Variants in ABI3BP observed in about 807,000 individuals in gnomAD.
ABI3BP encodes ABI family member 3 binding protein.
In ABI3BP, 216 loss-of-function variants were observed where a neutral mutation model predicts 268.6. That is an observed-to-expected ratio of 0.80 (90% CI 0.72 to 0.90). ABI3BP has a LOEUF of 0.90. ABI3BP is among the 40% of genes least tolerant of loss of function. The pLI, the probability that ABI3BP is intolerant of heterozygous loss-of-function variation, is 0.00. For synonymous variants in ABI3BP, 730 were observed against 730.0 expected (o/e 1.00, Z 0.00); for missense variants, 2,090 against 2,182.4 (o/e 0.96, Z 0.84).
At chr3:100,875,423 C>T in intron 8 of ABI3BP, 85 bp downstream of exon 8, 1 of 1,015,168 alleles carries the variant, frequency 9.9e-7, no homozygotes, top group Non-Finnish European at 1.6e-6. Context: ...CAGAACTACT[C>T]ACACTGCAAA....
At chr3:100,915,476 G>A (rs2058306514) in intron 2 of ABI3BP, among the ~76,000 whole-genome samples, 1 of 152,162 alleles carries the variant, frequency 6.6e-6, no homozygotes, top group South Asian at 2.1e-4. Flanking sequence ...TGCTGGAGGT[G>A]GAGGGCAGCT....
intron 63 of ABI3BP, among the ~76,000 whole-genome samples, chr3:100,757,084 A>G (rs189491097): frequency 6.6e-6 from 1 of 152,242 alleles, no homozygotes; most frequent in Non-Finnish European, 1.5e-5. Flanking sequence ...TTTGGAAGAT[A>G]AAGTTGAGGA....
intron 2 of ABI3BP, 83 bp from the exon 3 acceptor site, chr3:100,902,769 T>A: frequency 8.9e-7 from 1 of 1,128,638 alleles, no homozygotes. Flanking sequence ...GATTCAGCAT[T>A]CCCTGAGTCA....
chr3:100,941,113 G>A (rs1289878661), intron 1 of ABI3BP, among the ~76,000 whole-genome samples: 2 of 151,442 alleles, frequency 1.3e-5, no homozygotes, highest in Non-Finnish European at 2.9e-5. Flanking sequence ...GCCAAGGAAT[G>A]GGGGCTTTTT....
At chr3:100,844,515 T>G (rs541420968) in intron 20 of ABI3BP, 1 of 953,808 alleles carries the variant, frequency 1.0e-6, no homozygotes, top group African/African-American at 1.8e-5. Context: ...TAGAAGAGTG[T>G]GCGGAGAGGG....
chr3:100,774,865 T>A (rs1247440569), intron 60 of ABI3BP, among the ~76,000 whole-genome samples, 192 bp from the exon 61 acceptor site: 1 of 152,178 alleles, frequency 6.6e-6, no homozygotes, highest in Non-Finnish European at 1.5e-5. Context: ...TGTTCTATAG[T>A]GTGAGTAATG....
In ABI3BP at chr3:100,752,874, C is replaced by T. The variant is rs970077276; in HGVS notation, c.5035G>A (p.Val1679Ile). 1 of 1,613,582 alleles carries T rather than the reference C, an allele frequency of 6.2e-7. No homozygotes were observed. The highest frequency in any genetic ancestry group is 1.7e-5 in the Admixed American group (1 of 59,966). ...AATTTTTTATACCATGTCCTTTTGA[C>T]ATATTGTTTGCCCTTACACTCTGAG... ...SYSECKGKQYVKRTWYKKFVG... is the reference protein window; with the variant it reads ...SYSECKGKQYIKRTWYKKFVG... The change falls in exon 66 of 68, where the codon GTC becomes ATC. Residue 1679 changes from valine to isoleucine, a missense_variant. Coordinates refer to ENST00000471714, the MANE Select transcript of ABI3BP (RefSeq NM_001375547.2).
At chr3:100,806,256 A>C (rs2097703250) in intron 50 of ABI3BP, among the ~76,000 whole-genome samples, 1 of 152,092 alleles carries the variant, frequency 6.6e-6, no homozygotes, top group Non-Finnish European at 1.5e-5. Flanking sequence ...TTGCGCTTTA[A>C]GTTGTAAATA....
At chr3:100,900,962 T>C (rs2050023716) in intron 3 of ABI3BP, among the ~76,000 whole-genome samples, 1 of 152,210 alleles carries the variant, frequency 6.6e-6, no homozygotes, top group Admixed American at 6.5e-5. Context: ...ATTTGTACTA[T>C]GATCATATTT....
intron 9 of ABI3BP, among the ~76,000 whole-genome samples, chr3:100,867,184 T>A (rs985181805): frequency 6.6e-6 from 1 of 152,134 alleles, no homozygotes; most frequent in Non-Finnish European, 1.5e-5. Flanking sequence ...TTCTTTAAGA[T>A]CTAAATTGGC....
intron 1 of ABI3BP, among the ~76,000 whole-genome samples, chr3:100,938,263 A>G (rs1226164012): frequency 6.6e-6 from 1 of 151,686 alleles, no homozygotes; most frequent in Admixed American, 6.6e-5. Flanking sequence ...GTTTCCCTAT[A>G]TAACAAACCT....
At chr3:100,763,780 C>T (rs1038336275) in intron 63 of ABI3BP, among the ~76,000 whole-genome samples, 2 of 152,218 alleles carry the variant, frequency 1.3e-5, no homozygotes, top group Non-Finnish European at 2.9e-5. Context: ...CTTCACCAGG[C>T]AGGTCAGATA....
At chr3:100,773,057 A>G (rs1248212332) in intron 61 of ABI3BP, among the ~76,000 whole-genome samples, 13 of 150,456 alleles carry the variant, frequency 8.6e-5, no homozygotes, top group African/African-American at 2.9e-4. Context: ...CAGCCTGGGC[A>G]ACAGAGCGAG....
At chr3:100,826,751 A>G (rs180779660) in intron 34 of ABI3BP, among the ~76,000 whole-genome samples, 1 of 152,262 alleles carries the variant, frequency 6.6e-6, no homozygotes, top group African/African-American at 2.4e-5. Flanking sequence ...GAGGCTGGGT[A>G]AGGGGTGGCC....
chr3:100,853,891 T>C (rs1451678057), intron 14 of ABI3BP, among the ~76,000 whole-genome samples: 4 of 152,208 alleles, frequency 2.6e-5, no homozygotes, highest in Admixed American at 2.0e-4. Context: ...TTTGCCAGCA[T>C]ACTTTGTTTT....
At chr3:100,754,355 A>G (rs2128225) in intron 64 of ABI3BP, among the ~76,000 whole-genome samples, 6,156 of 152,262 alleles carry the variant, frequency 0.04, 371 homozygotes, top group African/African-American at 0.13. Flanking sequence ...GACATGCAGG[A>G]GAGGATTCAT....
chr3:100,822,095 T>C (rs1230061315), intron 38 of ABI3BP, among the ~76,000 whole-genome samples: 1 of 152,164 alleles, frequency 6.6e-6, no homozygotes, highest in Non-Finnish European at 1.5e-5. Flanking sequence ...ATCTTGTTGA[T>C]AGCACTCCAA....
intron 21 of ABI3BP, among the ~76,000 whole-genome samples, chr3:100,841,332 A>G (rs947576027): frequency 6.6e-6 from 1 of 150,920 alleles, no homozygotes; most frequent in Non-Finnish European, 1.5e-5. Context: ...AATCTGCAAA[A>G]GTTAGAGTTT....
intron 2 of ABI3BP, among the ~76,000 whole-genome samples, chr3:100,922,794 T>C (rs2153623026): frequency 6.6e-6 from 1 of 152,286 alleles, no homozygotes; most frequent in East Asian, 1.9e-4. Flanking sequence ...AACTGCAAGA[T>C]AATAAATCTG....
Sources: allele counts gnomAD v4.1 joint callset (sites outside exome capture counted in the v4.1 genomes callset), GRCh38; gene constraint gnomAD v4.1.1; transcripts MANE v1.5; gene names NCBI Gene and HGNC (gene_info 2026-07-23, HGNC 2026-07-21).